Variants in TTLL5 observed in about 807,000 individuals in gnomAD.
TTLL5 encodes tubulin polyglutamylase TTLL5.
TTLL5 carries 132 observed loss-of-function variants against 168.4 expected under a neutral mutation model. That is an observed-to-expected ratio of 0.78 (90% confidence interval 0.68 to 0.91). The LOEUF (loss-of-function observed/expected upper bound fraction) is 0.91. Ranked by LOEUF, TTLL5 falls within the 40% of genes least tolerant of loss-of-function variation. The pLI is 0.00. For synonymous variants in TTLL5, 546 were observed against 558.6 expected (o/e 0.98, Z 0.32); for missense variants, 1,545 against 1,581.5 (o/e 0.98, Z 0.39).
chr14:75,789,928 T>C (rs1015223481), intron 26 of TTLL5, among the ~76,000 whole-genome samples: 5 of 151,936 alleles, frequency 3.3e-5, no homozygotes, highest in Non-Finnish European at 7.4e-5. Context: ...AGAAGAAAAA[T>C]AAGGTGGAGG....
intron 30 of TTLL5, among the ~76,000 whole-genome samples, chr14:75,888,443 C>T (rs1355445359): frequency 6.6e-6 from 1 of 152,198 alleles, no homozygotes; most frequent in Non-Finnish European, 1.5e-5. Context: ...TTCCCTCGTC[C>T]TTCACCTGAG....
At chr14:75,903,415 T>C (rs1252168796) in intron 31 of TTLL5, among the ~76,000 whole-genome samples, 1 of 151,842 alleles carries the variant, frequency 6.6e-6, no homozygotes, top group Non-Finnish European at 1.5e-5. Context: ...TCAGTGTGGC[T>C]GGGGACTGGG....
intron 28 of TTLL5, chr14:75,835,457 A>G (rs1259949787): frequency 6.6e-6 from 1 of 152,230 alleles, no homozygotes; most frequent in Non-Finnish European, 1.5e-5. Flanking sequence ...ACTGTAGTAA[A>G]CACACAATCT....
chr14:75,787,062 G>A (rs1363662674), intron 26 of TTLL5, among the ~76,000 whole-genome samples: 1 of 152,070 alleles, frequency 6.6e-6, no homozygotes, highest in Non-Finnish European at 1.5e-5. Context: ...GAACCCGGGA[G>A]GCAGAGGTTG....
intron 31 of TTLL5, among the ~76,000 whole-genome samples, chr14:75,934,673 G>A (rs1192203878): frequency 6.6e-6 from 1 of 152,088 alleles, no homozygotes; most frequent in Admixed American, 6.6e-5. Context: ...TAGTAAAAAA[G>A]CACAGTCAAA....
At position 75,902,225 on chromosome 14, in the gene TTLL5, G is replaced by T. The variant is rs1292821501; in HGVS notation, c.3823+1G>T. Reference sequence around the variant, plus strand: ...TTTGTGCCCATCACCAGCTCTACAGGTTAGTGGGCACCAGCTCTTCTGCAA... The same window carrying T: ...TTTGTGCCCATCACCAGCTCTACAGTTTAGTGGGCACCAGCTCTTCTGCAA... On this transcript the variant is annotated splice_donor_variant, in intron 31 of 31. Coordinates refer to ENST00000298832, the MANE Select transcript of TTLL5 (RefSeq NM_015072.5). LOFTEE classifies it high-confidence loss of function. 1.2e-6 allele frequency: 2 copies of T among 1,614,082 alleles called. No individual in the cohort carries two copies.
At chr14:75,789,837 A>G (rs1437644469) in intron 26 of TTLL5, among the ~76,000 whole-genome samples, 2 of 152,220 alleles carry the variant, frequency 1.3e-5, no homozygotes, top group Non-Finnish European at 2.9e-5. Context: ...AAATCTCAAC[A>G]AGTGTGTCAT....
At chr14:75,717,216 G>A (rs976830600) in intron 9 of TTLL5, among the ~76,000 whole-genome samples, 2 of 152,106 alleles carry the variant, frequency 1.3e-5, no homozygotes, top group African/African-American at 4.8e-5. Context: ...CTGGGCTCAA[G>A]CAGTCTTCTC....
chr14:75,753,117 T>C (rs1890049181), intron 18 of TTLL5, among the ~76,000 whole-genome samples, 162 bp downstream of exon 18: 1 of 152,228 alleles, frequency 6.6e-6, no homozygotes, highest in Non-Finnish European at 1.5e-5. Flanking sequence ...TTTCCAGAAT[T>C]TATCATGAAC....
chr14:75,737,697 A>G, intron 15 of TTLL5: 1 of 1,319,716 alleles, frequency 7.6e-7, no homozygotes, highest in Admixed American at 2.4e-5. Flanking sequence ...CATGGTACAT[A>G]TTTTTATGTA....
chr14:75,820,968 AGAAGTT>A (rs2140416362), intron 28 of TTLL5, among the ~76,000 whole-genome samples: 1 of 152,292 alleles, frequency 6.6e-6, no homozygotes, highest in African/African-American at 2.4e-5. Context: ...CTCCAACCAA[AGAAGTT>A]TTACCACAGG....
At chr14:75,919,410 A>G (rs1297197371) in intron 31 of TTLL5, among the ~76,000 whole-genome samples, 2 of 152,092 alleles carry the variant, frequency 1.3e-5, no homozygotes, top group Non-Finnish European at 2.9e-5. Flanking sequence ...AGTAACCAAA[A>G]CAGTATGGAT....
At chr14:75,925,516 C>T (rs1322082172) in intron 31 of TTLL5, among the ~76,000 whole-genome samples, 1 of 150,540 alleles carries the variant, frequency 6.6e-6, no homozygotes, top group Non-Finnish European at 1.5e-5. Context: ...AGACGCTCCT[C>T]ACTTCCTAGA....
intron 31 of TTLL5, among the ~76,000 whole-genome samples, chr14:75,903,836 A>G (rs2033028646): frequency 6.6e-6 from 1 of 151,472 alleles, no homozygotes; most frequent in Non-Finnish European, 1.5e-5. Flanking sequence ...TCAAGGCTGC[A>G]GTGAGTTGTG....
At chr14:75,797,869 G>A (rs998110895) in intron 27 of TTLL5, among the ~76,000 whole-genome samples, 1 of 151,996 alleles carries the variant, frequency 6.6e-6, no homozygotes, top group East Asian at 1.9e-4. Flanking sequence ...GGGGATTTTT[G>A]CATCTGTATT....
intron 29 of TTLL5, among the ~76,000 whole-genome samples, chr14:75,876,085 G>A (rs927771270): frequency 6.6e-6 from 1 of 152,236 alleles, no homozygotes; most frequent in Non-Finnish European, 1.5e-5. Flanking sequence ...GTCAACCAGT[G>A]TCTGATTGGT....
At chr14:75,702,298 G>A (rs751771693) in intron 7 of TTLL5, among the ~76,000 whole-genome samples, 4 of 152,194 alleles carry the variant, frequency 2.6e-5, no homozygotes, top group Non-Finnish European at 5.9e-5. Flanking sequence ...TCTCTGCTCT[G>A]ACGTTGGTGT....
At chr14:75,871,062 TG>T (rs2030994746) in intron 29 of TTLL5, among the ~76,000 whole-genome samples, 1 of 152,234 alleles carries the variant, frequency 6.6e-6, no homozygotes, top group African/African-American at 2.4e-5. Context: ...CCCAAAGTGC[TG>T]GGATTACAGG....
At chr14:75,684,933 G>A (rs551848874) in intron 5 of TTLL5, 6 of 152,266 alleles carry the variant, frequency 3.9e-5, no homozygotes, top group Middle Eastern at 3.4e-3. Flanking sequence ...ATGCCCTGCC[G>A]TGTTCTTTGT....
Sources: allele counts gnomAD v4.1 joint callset (sites outside exome capture counted in the v4.1 genomes callset), GRCh38; gene constraint gnomAD v4.1.1; transcripts MANE v1.5; gene names NCBI Gene and HGNC (gene_info 2026-07-23, HGNC 2026-07-21).